The following KLHL8 variants were observed in gnomAD, a reference collection of about 807,000 sequenced individuals.
The protein encoded by KLHL8 is kelch like family member 8.
A neutral mutation model predicts 63.5 loss-of-function variants in KLHL8; 38 were observed. The observed-to-expected ratio is 0.60, with a 90% CI of 0.46 to 0.78. KLHL8 has a LOEUF of 0.78. Ranked by LOEUF, KLHL8 falls within the 30% of genes least tolerant of loss-of-function variation. KLHL8 has a pLI of 0.00. For synonymous variants in KLHL8, 224 were observed against 254.3 expected, an observed-to-expected ratio of 0.88 and a Z score of 1.13; for missense variants, 566 against 752.4, an observed-to-expected ratio of 0.75 and a Z score of 2.90.
intron 1 of KLHL8, among the ~76,000 whole-genome samples, chr4:87,199,430 T>G (rs1731824547): frequency 6.6e-6 from 1 of 152,014 alleles, no homozygotes. Flanking sequence ...GGAAAAGGAT[T>G]CACAACATTG....
intron 2 of KLHL8, among the ~76,000 whole-genome samples, chr4:87,187,090 T>C (rs1731290392): frequency 6.6e-6 from 1 of 152,216 alleles, no homozygotes; most frequent in Admixed American, 6.5e-5. Context: ...AAATCGTTAT[T>C]CACATTCTCT....
At position 87,163,349 on chromosome 4, in the gene KLHL8, A is replaced by G. The variant is rs990010146; in HGVS notation, c.*170T>C. ...AGTATCAAATTTAACTCTATTACTAATAATTCTTCAGGTATCATTCCAAAA... is the reference window on the plus strand; with the variant it reads ...AGTATCAAATTTAACTCTATTACTAGTAATTCTTCAGGTATCATTCCAAAA... On this transcript the variant is annotated 3_prime_UTR_variant, in exon 10 of 10. Transcript: ENST00000273963. 6 of 553,600 alleles carry G rather than the reference A, an allele frequency of 1.1e-5. No individual in the cohort carries two copies. The highest frequency in any genetic ancestry group is 3.2e-5 in the South Asian group (1 of 31,642). 34.3% of individuals were successfully genotyped at this position (553,600 alleles called of 1,614,324 possible).
Position 87,195,497 on chromosome 4 carries a change from T to C in KLHL8, c.43A>G (p.Ile15Val), listed in dbSNP as rs549071132. 1.9e-6 allele frequency: 3 copies of C among 1,613,818 alleles called. No homozygotes were observed. Among genetic ancestry groups the C allele is most frequent in the East Asian group, 2.2e-5 (1 of 44,826 alleles). ...TGTTGTTGCCTTTTCCCCTTTGTAA[T>C]GTGATTCCTAGCTTGTTTACTACTC... ...SMSSKQARNH[I>V]TKGKRQQQHQ... is the part of the protein sequence containing the mutation. The change falls in exon 2 of 10, where the codon ATT (isoleucine) becomes GTT (valine). Residue 15 changes from isoleucine (I) to valine (V), a missense_variant. Coordinates refer to ENST00000273963, the MANE Select transcript of KLHL8 (RefSeq NM_020803.5).
At chr4:87,227,268 T>C (rs1733047711) in intron 1 of KLHL8, among the ~76,000 whole-genome samples, 1 of 151,710 alleles carries the variant, frequency 6.6e-6, no homozygotes, top group South Asian at 2.1e-4. Context: ...CTAATCCAGT[T>C]TTAAAGTATC....
intron 1 of KLHL8, among the ~76,000 whole-genome samples, chr4:87,235,652 G>A (rs758302902): frequency 2.0e-5 from 3 of 152,162 alleles, no homozygotes; most frequent in Non-Finnish European, 2.9e-5. Context: ...TCGTCACCTA[G>A]CATGATCTCT....
At chr4:87,164,737 T>G (rs1218229002) in intron 8 of KLHL8, among the ~76,000 whole-genome samples, 7 of 152,212 alleles carry the variant, frequency 4.6e-5, no homozygotes, top group Admixed American at 3.9e-4. Flanking sequence ...TGCTCCTTCC[T>G]TTAAAAACAA....
chr4:87,226,610 T>TTTATATAAATAATATATATTAC (rs1268149880), intron 1 of KLHL8, among the ~76,000 whole-genome samples: 1 of 52,600 alleles, frequency 1.9e-5, no homozygotes, highest in African/African-American at 1.1e-4. Context: ...ATATATATTA[T>TTTATATAAATAATATATATTAC]TTATATAAAT....
intron 8 of KLHL8, among the ~76,000 whole-genome samples, chr4:87,166,076 A>G (rs1290320601): frequency 6.6e-6 from 1 of 152,224 alleles, no homozygotes; most frequent in Non-Finnish European, 1.5e-5. Context: ...GCAATGATGT[A>G]ACATAAGAAC....
intron 1 of KLHL8, among the ~76,000 whole-genome samples, chr4:87,227,298 C>T (rs529784791): frequency 6.6e-6 from 1 of 151,966 alleles, no homozygotes; most frequent in East Asian, 1.9e-4. Context: ...TTTCTTTCTT[C>T]CTGGAAGCGA....
At chr4:87,209,997 A>G (rs1488653276) in intron 1 of KLHL8, among the ~76,000 whole-genome samples, 1 of 151,736 alleles carries the variant, frequency 6.6e-6, no homozygotes, top group East Asian at 1.9e-4. Flanking sequence ...GGGACTACAT[A>G]CAGGCACACA....
In KLHL8 at chr4:87,176,979, A is replaced by G. The variant is rs554083008; in HGVS notation, c.1097-111T>C. 2.0e-4 allele frequency: 116 copies of G among 583,432 alleles called. 1 individual carries two copies. Among genetic ancestry groups the G allele is most frequent in the Middle Eastern group, 1.8e-3 (4 of 2,214 alleles). 36.1% of individuals were successfully genotyped at this position (583,432 alleles called of 1,614,324 possible). A position where few individuals can be genotyped will look rare whatever the true frequency, so the allele number is the denominator to read the frequency against. ...AAATATCACCATAAGTTAATTTTCA[A>G]TAATTGCTGTTCTGTTCAACATTAT... is the stretch of plus-strand genomic sequence containing the variant. On this transcript the variant is annotated intron_variant, in intron 5 of 9. Coordinates refer to ENST00000273963, the MANE Select transcript of KLHL8 (RefSeq NM_020803.5).
Position 87,170,201 on chromosome 4 carries a change from G to A in KLHL8, c.1415C>T (p.Ala472Val). The change falls in exon 8 of 10, where the codon GCT (alanine) becomes GTT (valine). Residue 472 changes from alanine (A) to valine (V), a missense_variant. Transcript: ENST00000273963. ...VYAVGGNDGM[A>V]SLSSVERYDP... Reference sequence around the variant, plus strand: ...ATATCTCTCCACGCTAGATAAAGAAGCCATTCCATCATTGCCACCTACTGC... The same window carrying A: ...ATATCTCTCCACGCTAGATAAAGAAACCATTCCATCATTGCCACCTACTGC... The A allele has an allele frequency of 6.2e-7, 1 of 1,613,714 alleles. No homozygotes were observed. The highest frequency in any genetic ancestry group is 2.2e-5 in the East Asian group (1 of 44,876).
At chr4:87,183,166 G>T (rs1016314548) in intron 4 of KLHL8, 37 bp downstream of exon 4, 3 of 1,479,318 alleles carry the variant, frequency 2.0e-6, no homozygotes, top group African/African-American at 2.8e-5. Flanking sequence ...ATACAACAAA[G>T]ATCCTTCCAG....
intron 1 of KLHL8, among the ~76,000 whole-genome samples, chr4:87,209,081 C>G (rs2110040462): frequency 6.6e-6 from 1 of 152,234 alleles, no homozygotes; most frequent in Non-Finnish European, 1.5e-5. Flanking sequence ...ACTATTCACT[C>G]TGCCTAAGAA....
chr4:87,219,478 T>C (rs1732732979), intron 1 of KLHL8: 1 of 114,282 alleles, frequency 8.8e-6, no homozygotes, highest in South Asian at 3.6e-4. Context: ...CCCTCTAAAC[T>C]GGTAACATTA....
chr4:87,171,786 C>T (rs2149831605), intron 6 of KLHL8, among the ~76,000 whole-genome samples: 1 of 152,302 alleles, frequency 6.6e-6, no homozygotes, highest in South Asian at 2.1e-4. Context: ...TCATCAGTGC[C>T]TTCTTTACTC....
At chr4:87,201,093 T>C (rs1178675448) in intron 1 of KLHL8, among the ~76,000 whole-genome samples, 1 of 152,136 alleles carries the variant, frequency 6.6e-6, no homozygotes. Flanking sequence ...AGCAGTCAAA[T>C]TCATAGAAAG....
intron 1 of KLHL8, among the ~76,000 whole-genome samples, chr4:87,237,820 C>T (rs994308107): frequency 2.5e-4 from 38 of 152,120 alleles, no homozygotes; most frequent in African/African-American, 7.0e-4. Context: ...GAGTGAGACC[C>T]TGTCCCTAAT....
Position 87,170,152 on chromosome 4 carries a change from T to C in KLHL8, c.1464A>G (p.Ile488Met). 1.2e-6 allele frequency: 2 copies of C among 1,614,106 alleles called. No individual in the cohort carries two copies. Among genetic ancestry groups the C allele is most frequent in the Non-Finnish European group, 8.5e-7 (1 of 1,179,908 alleles). The change falls in exon 8 of 10, where the codon ATA becomes ATG. Residue 488 changes from isoleucine (I) to methionine (M), a missense_variant. By Grantham distance (10) the Ile-to-Met change is conservative. Transcript: ENST00000273963. ...TTCGCTGACCCATTTCTTTAACTTC[T>C]ATCCACTTATCCAGATGTGGATCAT... is the stretch of plus-strand genomic sequence containing the variant. ...ERYDPHLDKW[I>M]EVKEMGQRRA...
Sources: gnomAD v4.1 joint callset for allele counts (sites outside exome capture counted in the v4.1 genomes callset) on GRCh38, gnomAD v4.1.1 for gene constraint, MANE v1.5 for transcripts, NCBI Gene and HGNC (gene_info 2026-07-23, HGNC 2026-07-21) for gene names.